Variants in HNF1A observed in about 807,000 individuals in gnomAD.
The protein encoded by HNF1A is HNF1 homeobox A, also known as hepatocyte nuclear factor 1-alpha.
HNF1A carries 21 observed loss-of-function variants against 62.2 expected under a neutral mutation model. The ratio of observed to expected loss-of-function variants is 0.34; its 90% confidence interval spans 0.24 to 0.49. The LOEUF is 0.49. HNF1A is among the 20% of genes least tolerant of loss of function. HNF1A has a pLI of 0.99. For missense variants in HNF1A, 687 were observed against 832.3 expected, an observed-to-expected ratio of 0.83 and a Z score of 2.15; for synonymous variants, 374 against 366.8, an observed-to-expected ratio of 1.02 and a Z score of -0.22.
intron 1 of HNF1A, among the ~76,000 whole-genome samples, chr12:120,988,624 A>G (rs538165127): frequency 7.2e-5 from 11 of 152,296 alleles, no homozygotes; most frequent in Admixed American, 5.9e-4. Flanking sequence ...CTCTGTCCTC[A>G]TGACCATGTG....
intron 1 of HNF1A, among the ~76,000 whole-genome samples, chr12:120,984,399 A>T (rs548638338): frequency 1.1e-4 from 16 of 152,148 alleles, no homozygotes; most frequent in Non-Finnish European, 1.9e-4. Context: ...GGACAGGGGC[A>T]CATAGAAAAT....
At chr12:120,982,281 G>A (rs1876291047) in intron 1 of HNF1A, among the ~76,000 whole-genome samples, 1 of 152,082 alleles carries the variant, frequency 6.6e-6, no homozygotes, top group Non-Finnish European at 1.5e-5. Context: ...TGTTGGCCAG[G>A]CTGGTCTCAA....
At chr12:120,994,455 G>T in intron 4 of HNF1A, 50 bp downstream of exon 4, 1 of 1,557,048 alleles carries the variant, frequency 6.4e-7, no homozygotes, top group East Asian at 2.3e-5. Flanking sequence ...GGAGGGTTGG[G>T]GAGGACTGTC....
At position 121,002,086 on chromosome 12, in the gene HNF1A, G is replaced by A. The variant is rs1024233382; in HGVS notation, c.*894G>A. 4 of 535,764 alleles carry A rather than the reference G, an allele frequency of 7.5e-6. No homozygotes were observed. Among genetic ancestry groups the A allele is most frequent in the African/African-American group, 7.4e-5 (4 of 53,892 alleles). 33.2% of individuals were successfully genotyped at this position (535,764 alleles called of 1,614,324 possible). ...GCCCTGCAGACCCTGCCCTTGTTTG[G>A]GGCAGGAGTAGCTGAGCTCACAAGG... On this transcript the variant is annotated 3_prime_UTR_variant, in exon 10 of 10. Transcript: ENST00000257555.
At chr12:120,999,934 C>T (rs1397008004) in intron 9 of HNF1A, among the ~76,000 whole-genome samples, 2 of 152,166 alleles carry the variant, frequency 1.3e-5, no homozygotes, top group Non-Finnish European at 2.9e-5. Context: ...GAGCCAGAAG[C>T]GACTCTTGCA....
At chr12:120,981,770 C>A (rs564335817) in intron 1 of HNF1A, among the ~76,000 whole-genome samples, 1 of 152,318 alleles carries the variant, frequency 6.6e-6, no homozygotes, top group East Asian at 1.9e-4. Flanking sequence ...GACTTGTGAT[C>A]ATCTGATTTG....
At chr12:120,991,424 T>C (rs1323731358) in intron 2 of HNF1A, among the ~76,000 whole-genome samples, 1 of 152,076 alleles carries the variant, frequency 6.6e-6, no homozygotes, top group Non-Finnish European at 1.5e-5. Context: ...TGAAACCCCA[T>C]CTTAACTAAA....
chr12:120,979,233 T>TGA (rs1876127550), intron 1 of HNF1A, 139 bp downstream of exon 1: 1 of 805,414 alleles, frequency 1.2e-6, no homozygotes, highest in Non-Finnish European at 2.1e-6. Context: ...ACAGGGCCCA[T>TGA]GAGAGCCCAG....
chr12:120,992,327 G>GA (rs1234362793), intron 2 of HNF1A, among the ~76,000 whole-genome samples: 2 of 152,192 alleles, frequency 1.3e-5, no homozygotes, highest in Non-Finnish European at 2.9e-5. Flanking sequence ...ACCTTGGAAG[G>GA]AAAAGAGCTC....
chr12:120,986,145 G>A (rs932009182), intron 1 of HNF1A, among the ~76,000 whole-genome samples: 11 of 152,100 alleles, frequency 7.2e-5, no homozygotes, highest in Admixed American at 6.6e-4. Context: ...AGTTCCTTGC[G>A]TGCCCTCCGG....
rs1001854457 is a variant in HNF1A, at chr12:120,978,866, C to G, written c.98C>G (p.Pro33Arg). The G allele has an allele frequency of 6.2e-7, 1 of 1,613,362 alleles. No homozygotes were observed. The highest frequency in any genetic ancestry group is 2.2e-5 in the East Asian group (1 of 44,860). ...KEALIQALGE[P>R]GPYLLAGEGP... The stretch of plus-strand genomic sequence containing the variant: ...GCACTGATCCAGGCACTGGGTGAGC[C>G]GGGGCCCTACCTCCTGGCTGGAGAA... The change falls in exon 1 of 10, where the codon CCG becomes CGG. Residue 33 changes from proline to arginine, a missense_variant. This residue lies in a region of HNF1A where 159 missense variants were observed against 154.4 expected (regional missense o/e 1.03). Transcript: ENST00000257555.
chr12:120,999,269 C>T lies in HNF1A; in HGVS notation c.1503C>T (p.Ala501=), dbSNP rs1565887862. The T allele has an allele frequency of 6.2e-7, 1 of 1,613,988 alleles. No individual in the cohort carries two copies. Among genetic ancestry groups the T allele is most frequent in the Non-Finnish European group, 8.5e-7 (1 of 1,180,026 alleles). Residue 501 remains alanine (A), a splice_region_variant and synonymous_variant, in exon 8 of 10, where the codon GCC becomes GCT. Coordinates refer to ENST00000257555, the MANE Select transcript of HNF1A (RefSeq NM_000545.8). The part of the protein sequence containing the change: ...ATMAQLQSPH[A]LYSHKPEVAQ... ...TGCCCCTCTCTCCCCTGCGGCCAGC[C>T]CTCTACAGCCACAAGCCCGAGGTGG...
At chr12:120,987,721 T>A (rs1441140065) in intron 1 of HNF1A, among the ~76,000 whole-genome samples, 1 of 151,822 alleles carries the variant, frequency 6.6e-6, no homozygotes, top group African/African-American at 2.4e-5. Context: ...CCTGAAAGGA[T>A]TCAGTTCTAA....
In HNF1A at chr12:120,996,209, A is replaced by G; in HGVS notation, c.956-53A>G. ...TTGAAGTGCTGAGGGCTGTGGAGGC[A>G]GGGGAGGGCAGGGAAGTGGGGTGCT... On this transcript the variant is annotated intron_variant, in intron 4 of 9. Coordinates refer to ENST00000257555, the MANE Select transcript of HNF1A (RefSeq NM_000545.8). This position sits in a 1 kb window ranked among gnomAD's most constrained non-coding sequence, Gnocchi z 4.5. 1 of 1,606,204 alleles carries G rather than the reference A, an allele frequency of 6.2e-7. No individual in the cohort carries two copies. The highest frequency in any genetic ancestry group is 8.5e-7 in the Non-Finnish European group (1 of 1,174,686).
At chr12:120,997,282 C>G in intron 6 of HNF1A, 192 bp from the exon 7 acceptor site, 1 of 1,410,114 alleles carries the variant, frequency 7.1e-7, no homozygotes, top group Non-Finnish European at 9.3e-7. Flanking sequence ...GCTAAAGGCT[C>G]AGAGAGGGGG....
intron 9 of HNF1A, 54 bp from the exon 10 acceptor site, chr12:121,001,011 T>TG (rs1198147852): frequency 6.2e-7 from 1 of 1,605,888 alleles, no homozygotes; most frequent in East Asian, 2.2e-5. Context: ...GACAGGCAGG[T>TG]GGGGTGGGTG....
At chr12:120,983,039 C>A (rs1343342998) in intron 1 of HNF1A, among the ~76,000 whole-genome samples, 2 of 152,212 alleles carry the variant, frequency 1.3e-5, no homozygotes, top group Non-Finnish European at 1.5e-5. Context: ...AGGTCTAAAG[C>A]CCCCACACTG....
chr12:120,986,096 C>G (rs1876497569), intron 1 of HNF1A, among the ~76,000 whole-genome samples: 1 of 152,136 alleles, frequency 6.6e-6, no homozygotes, highest in African/African-American at 2.4e-5. Context: ...ACTCCCATCC[C>G]CAGCACCCCG....
chr12:120,999,896 G>A (rs998196759), intron 9 of HNF1A, among the ~76,000 whole-genome samples: 2 of 152,218 alleles, frequency 1.3e-5, no homozygotes, highest in Non-Finnish European at 2.9e-5. Flanking sequence ...TAGAGGCAGT[G>A]GAGAGTAACG....
Sources: allele counts gnomAD v4.1 joint callset (sites outside exome capture counted in the v4.1 genomes callset), GRCh38; gene constraint gnomAD v4.1.1; regional missense constraint gnomAD v4.1.1; non-coding constraint Gnocchi (gnomAD v3.1); transcripts MANE v1.5; gene names NCBI Gene and HGNC (gene_info 2026-07-23, HGNC 2026-07-21).